The following SLC2A1 variants were observed in gnomAD, a reference collection of about 807,000 sequenced individuals.
SLC2A1 encodes the protein solute carrier family 2, facilitated glucose transporter member 1.
In SLC2A1, 4 loss-of-function variants were observed where a neutral mutation model predicts 46.6. The observed-to-expected ratio is 0.09, with a 90% confidence interval of 0.04 to 0.20. The LOEUF is 0.20. SLC2A1 is among the 10% of genes least tolerant of loss of function. The pLI is 1.00. For missense variants in SLC2A1, 352 were observed against 667.0 expected (o/e 0.53, Z 5.20); for synonymous variants, 253 against 270.0 (o/e 0.94, Z 0.62).
rs890671897 is a variant in SLC2A1 at position 42,927,770 on chromosome 1, G to A, written c.1113C>T (p.Ala371=). The change falls in exon 9 of 10, where the codon GCC becomes GCT. Residue 371 remains alanine, a synonymous_variant. Coordinates refer to ENST00000426263, the MANE Select transcript of SLC2A1 (RefSeq NM_006516.4). This position sits in a 1 kb window ranked among gnomAD's most constrained non-coding sequence, Gnocchi z 5.3. ...CAAAGAAGGCCACAAAGCCAAAGAT[G>A]GCCACGATGCTCAGATAGGACATCC... is the stretch of plus-strand genomic sequence containing the variant. ...LPWMSYLSIV[A]IFGFVAFFEV... is the part of the protein sequence containing the mutation. The A allele has an allele frequency of 6.2e-7, 1 of 1,613,966 alleles. No individual in the cohort carries two copies. The highest frequency in any genetic ancestry group is 8.5e-7 in the Non-Finnish European group (1 of 1,179,910).
At chr1:42,931,443 T>G (rs1455246901) in intron 2 of SLC2A1, among the ~76,000 whole-genome samples, 3 of 152,128 alleles carry the variant, frequency 2.0e-5, no homozygotes, top group Admixed American at 2.0e-4. Flanking sequence ...CCCTAACGTG[T>G]GGTTTCCAGT....
intron 1 of SLC2A1, among the ~76,000 whole-genome samples, chr1:42,946,160 C>T (rs1770807): frequency 0.49 from 74,709 of 151,924 alleles, 21,813 homozygotes; most frequent in African/African-American, 0.82. Flanking sequence ...AGCTGCTCGA[C>T]TGTAGCCTCT....
At chr1:42,947,576 AC>A (rs1643670338) in intron 1 of SLC2A1, among the ~76,000 whole-genome samples, 1 of 29,270 alleles carries the variant, frequency 3.4e-5, no homozygotes. Flanking sequence ...ACACACACAC[AC>A]ACACAAAAAA....
At chr1:42,942,867 C>T in intron 2 of SLC2A1, 1 of 346,388 alleles carries the variant, frequency 2.9e-6, no homozygotes, top group Non-Finnish European at 5.6e-6. Context: ...CATGAAAACC[C>T]TCTGCAGCCC....
At position 42,928,994 on chromosome 1, in the gene SLC2A1, G is replaced by A. The variant is rs1386083305; in HGVS notation, c.1012C>T (p.Leu338Phe). The change falls in exon 8 of 10, where the codon CTC becomes TTC. Residue 338 changes from leucine to phenylalanine, a missense_variant. Coordinates refer to ENST00000426263, the MANE Select transcript of SLC2A1 (RefSeq NM_006516.4). ...CCCGCCATGCCAGCGAGGCCTATGAGGTGCAGGGTCCGCCGGCCTGCTCGC... is the reference window on the plus strand; with the variant it reads ...CCCGCCATGCCAGCGAGGCCTATGAAGTGCAGGGTCCGCCGGCCTGCTCGC... ...VERAGRRTLH[L>F]IGLAGMAGCA... 2 of 1,613,842 alleles carry A rather than the reference G, an allele frequency of 1.2e-6. No individual in the cohort carries two copies. The highest frequency in any genetic ancestry group is 1.7e-6 in the Non-Finnish European group (2 of 1,180,026).
At chr1:42,935,633 C>T (rs572456475) in intron 2 of SLC2A1, among the ~76,000 whole-genome samples, 3 of 152,346 alleles carry the variant, frequency 2.0e-5, no homozygotes, top group South Asian at 4.1e-4. Context: ...GAAGGAACTA[C>T]GGGCCTGCCT....
chr1:42,932,332 C>T (rs1361088180), intron 2 of SLC2A1, among the ~76,000 whole-genome samples: 1 of 151,926 alleles, frequency 6.6e-6, no homozygotes, highest in Non-Finnish European at 1.5e-5. Context: ...TGCCTGAGCA[C>T]ACTCACCACA....
rs1465151265 is a variant in SLC2A1, at chr1:42,926,912, C to T, written c.*129G>A. Reference sequence around the variant, plus strand: ...ATATTCTTCTGGACATCATTGCTGGCTGGAGAAAGGAGCCCCAGGCCCGGC... The same window carrying T: ...ATATTCTTCTGGACATCATTGCTGGTTGGAGAAAGGAGCCCCAGGCCCGGC... On this transcript the variant is annotated 3_prime_UTR_variant, in exon 10 of 10. Transcript: ENST00000426263. The T allele has an allele frequency of 8.5e-6, 13 of 1,521,052 alleles. No individual in the cohort carries two copies. In the African/African-American group the frequency reaches 9.7e-5, roughly 11 times the overall value. The allele number at this position is 1,521,052 out of a possible 1,614,324, so 94.2% of individuals were successfully genotyped here.
intron 1 of SLC2A1, chr1:42,952,577 G>C (rs1643733440): frequency 3.1e-6 from 1 of 326,340 alleles, no homozygotes; most frequent in Non-Finnish European, 6.2e-6. Flanking sequence ...CAGGGCTGTG[G>C]GATGGAGGCA....
At chr1:42,931,470 G>A (rs1643489540) in intron 2 of SLC2A1, among the ~76,000 whole-genome samples, 1 of 152,192 alleles carries the variant, frequency 6.6e-6, no homozygotes, top group African/African-American at 2.4e-5. Context: ...TGGTTTCACA[G>A]GCTCAGTGTG....
rs1304165936 is a variant in SLC2A1, at chr1:42,927,291, G to A, written c.1279-50C>T. On this transcript the variant is annotated intron_variant, in intron 9 of 9. Transcript: ENST00000426263. This position sits in a 1 kb window ranked among gnomAD's most constrained non-coding sequence, Gnocchi z 5.3. Reference sequence around the variant, plus strand: ...GTTGGAGTCATGACCCTACATCCTGGCTGTAGGACTTTGGATAAGTCACTT... The same window carrying A: ...GTTGGAGTCATGACCCTACATCCTGACTGTAGGACTTTGGATAAGTCACTT... The A allele has an allele frequency of 1.3e-6, 2 of 1,558,854 alleles. No individual in the cohort carries two copies. The highest frequency in any genetic ancestry group is 2.7e-5 in the African/African-American group (2 of 73,898).
chr1:42,954,107 A>G lies in SLC2A1; in HGVS notation c.18+4527T>C, dbSNP rs1643750643. Among the ~76,000 whole-genome samples, 1 of 152,176 alleles carries G rather than the reference A, an allele frequency of 6.6e-6. No individual in the cohort carries two copies. The highest frequency in any genetic ancestry group is 1.5e-5 in the Non-Finnish European group (1 of 68,026). On this transcript the variant is annotated intron_variant, in intron 1 of 9. Transcript: ENST00000426263. The surrounding 1 kb of genome is among the most constrained non-coding windows in gnomAD (Gnocchi z 4.2). Reference sequence around the variant, plus strand: ...GAGTTTCAGTTGTCAAGTTACGTCTAATCCAACTTTCAGGCTCCTATGGCA... The same window carrying G: ...GAGTTTCAGTTGTCAAGTTACGTCTGATCCAACTTTCAGGCTCCTATGGCA...
intron 1 of SLC2A1, among the ~76,000 whole-genome samples, chr1:42,953,773 GA>G: frequency 6.6e-6 from 1 of 152,194 alleles, no homozygotes; most frequent in East Asian, 1.9e-4. Flanking sequence ...GTCACAAGCT[GA>G]TTACGGGGGA....
At chr1:42,941,431 C>T (rs1383106604) in intron 2 of SLC2A1, among the ~76,000 whole-genome samples, 1 of 152,194 alleles carries the variant, frequency 6.6e-6, no homozygotes, top group African/African-American at 2.4e-5. Context: ...GAATGCCAGG[C>T]TTTCTGTCTT....
chr1:42,945,033 C>T (rs1256695483), intron 1 of SLC2A1, among the ~76,000 whole-genome samples: 1 of 152,158 alleles, frequency 6.6e-6, no homozygotes, highest in East Asian at 1.9e-4. Flanking sequence ...CAGGTCAAGC[C>T]TAATTCATAG....
chr1:42,957,149 A>T (rs1030925884), intron 1 of SLC2A1, among the ~76,000 whole-genome samples: 9 of 152,240 alleles, frequency 5.9e-5, no homozygotes, highest in African/African-American at 2.2e-4. Context: ...TGAGGCCCAG[A>T]AGTTAAGTGG....
intron 1 of SLC2A1, among the ~76,000 whole-genome samples, chr1:42,950,862 C>A (rs567749567): frequency 4.6e-5 from 7 of 152,106 alleles, no homozygotes; most frequent in Non-Finnish European, 1.0e-4. Flanking sequence ...GTAATCCCAA[C>A]TACTCGGGAG....
chr1:42,935,158 G>A (rs1643529785), intron 2 of SLC2A1, among the ~76,000 whole-genome samples: 1 of 152,190 alleles, frequency 6.6e-6, no homozygotes, highest in South Asian at 2.1e-4. Flanking sequence ...CTAGAGCTGA[G>A]GGGCTACTAC....
Position 42,927,531 on chromosome 1 carries a change from T to G in SLC2A1, c.1278+74A>C. On this transcript the variant is annotated intron_variant, in intron 9 of 9. Transcript: ENST00000426263. The surrounding 1 kb of genome is among the most constrained non-coding windows in gnomAD (Gnocchi z 5.3). ...TCCTCAGCATGATTCCTAATGAGAA[T>G]GCTGGGCCAGCACTTTGCACAGCAC... 7.1e-7 allele frequency: 1 copy of G among 1,417,906 alleles called. No homozygotes were observed. The highest frequency in any genetic ancestry group is 9.9e-7 in the Non-Finnish European group (1 of 1,009,412). 87.8% of individuals were successfully genotyped at this position (1,417,906 alleles called of 1,614,324 possible). A position where few individuals can be genotyped will look rare whatever the true frequency, so the allele number is the denominator to read the frequency against.
Sources: allele counts gnomAD v4.1 joint callset (sites outside exome capture counted in the v4.1 genomes callset), GRCh38; gene constraint gnomAD v4.1.1; non-coding constraint Gnocchi (gnomAD v3.1); transcripts MANE v1.5; gene names NCBI Gene and HGNC (gene_info 2026-07-23, HGNC 2026-07-21).